Variants in CTNNA1 observed in about 807,000 individuals in gnomAD.
CTNNA1 encodes catenin alpha-1.
In CTNNA1, 37 loss-of-function variants were observed where a neutral mutation model predicts 98.4. That is an observed-to-expected ratio of 0.38 (90% CI 0.29 to 0.49). The LOEUF (loss-of-function observed/expected upper bound fraction) is 0.49, where lower values mean the gene tolerates loss of function less well. Ranked by LOEUF, CTNNA1 falls within the 20% of genes least tolerant of loss-of-function variation. The pLI, the probability that CTNNA1 is intolerant of heterozygous loss-of-function variation, is 0.95. For synonymous variants in CTNNA1, 404 were observed against 413.2 expected (o/e 0.98, Z 0.27); for missense variants, 761 against 1,147.2 (o/e 0.66, Z 4.86).
chr5:138,933,971 C>A lies in CTNNA1; in HGVS notation c.2603C>A (p.Pro868Gln). 1 of 1,614,050 alleles carries A rather than the reference C, an allele frequency of 6.2e-7. No individual in the cohort carries two copies. Among genetic ancestry groups the A allele is most frequent in the Non-Finnish European group, 8.5e-7 (1 of 1,180,008 alleles). ...SWKMKAPEKK[P>Q]LVKREKQDET... ...AAGATGAAGGCACCAGAGAAAAAGCCATTGGTGAAGAGAGAGAAACAGGAT... is the reference window on the plus strand; with the variant it reads ...AAGATGAAGGCACCAGAGAAAAAGCAATTGGTGAAGAGAGAGAAACAGGAT... The change falls in exon 18 of 18, where the codon CCA becomes CAA. Residue 868 changes from proline (P) to glutamine (Q), a missense_variant. Pro to Gln is a moderately conservative substitution (Grantham distance 76). Transcript: ENST00000302763.
chr5:138,806,516 T>C (rs1281236492), intron 3 of CTNNA1, among the ~76,000 whole-genome samples: 2 of 152,150 alleles, frequency 1.3e-5, no homozygotes, highest in Admixed American at 6.5e-5. Flanking sequence ...AATTTACTAC[T>C]ACTCTCTTCT....
intron 7 of CTNNA1, among the ~76,000 whole-genome samples, chr5:138,866,307 TTTA>T (rs1486502665): frequency 4.7e-5 from 7 of 149,094 alleles, no homozygotes; most frequent in African/African-American, 1.8e-4. Flanking sequence ...TATTTATTTA[TTTA>T]TTTATTTATT....
intron 5 of CTNNA1, among the ~76,000 whole-genome samples, chr5:138,813,314 C>T (rs562860157): frequency 6.6e-6 from 1 of 152,330 alleles, no homozygotes; most frequent in South Asian, 2.1e-4. Flanking sequence ...TTCCATATGT[C>T]TCTCTTTATA....
chr5:138,862,427 A>G (rs1764372854), intron 7 of CTNNA1, among the ~76,000 whole-genome samples: 1 of 152,232 alleles, frequency 6.6e-6, no homozygotes, highest in African/African-American at 2.4e-5. Context: ...ATAATTGTCC[A>G]AAGCTGAGAC....
At position 138,909,462 on chromosome 5, in the gene CTNNA1, A is replaced by C. The variant is rs151290121; in HGVS notation, c.1389+5021A>C. Among the ~76,000 whole-genome samples the C allele has an allele frequency of 5.6e-4, 84 of 151,274 alleles. 1 individual carries two copies. The highest frequency in any genetic ancestry group is 1.9e-3 in the African/African-American group (79 of 41,178). ...CAGCCTTGACCTCCTAGGTTTAAGC[A>C]GTCCTTGCACCTCAGCCTCTGAGTA... On this transcript the variant is annotated intron_variant, in intron 10 of 17. Coordinates refer to ENST00000302763, the MANE Select transcript of CTNNA1 (RefSeq NM_001903.5).
intron 7 of CTNNA1, among the ~76,000 whole-genome samples, chr5:138,884,810 G>A (rs561224406): frequency 6.6e-6 from 1 of 152,216 alleles, no homozygotes; most frequent in South Asian, 2.1e-4. Flanking sequence ...CCATTCAGTT[G>A]GTTGGTTGAC....
At chr5:138,766,002 T>A (rs1752900600) in intron 1 of CTNNA1, among the ~76,000 whole-genome samples, 1 of 151,022 alleles carries the variant, frequency 6.6e-6, no homozygotes, top group Admixed American at 6.6e-5. Flanking sequence ...TGCTAATCTG[T>A]CATGAGAGAT....
intron 5 of CTNNA1, among the ~76,000 whole-genome samples, chr5:138,817,543 G>A (rs902336026): frequency 6.6e-6 from 1 of 152,130 alleles, no homozygotes; most frequent in Non-Finnish European, 1.5e-5. Flanking sequence ...GAATTCCCAT[G>A]ATGGGAATAT....
chr5:138,892,594 G>A (rs995098225), intron 9 of CTNNA1, among the ~76,000 whole-genome samples: 50 of 151,672 alleles, frequency 3.3e-4, no homozygotes, highest in Admixed American at 2.4e-3. Context: ...CGCCCGCCTC[G>A]GCCTCCCAGA....
At chr5:138,824,046 C>G (rs949318644) in intron 5 of CTNNA1, among the ~76,000 whole-genome samples, 1 of 149,278 alleles carries the variant, frequency 6.7e-6, no homozygotes, top group Non-Finnish European at 1.5e-5. Flanking sequence ...GACTGTATCT[C>G]TTCATGATCT....
At chr5:138,895,846 T>G (rs958018258) in intron 9 of CTNNA1, among the ~76,000 whole-genome samples, 8 of 152,238 alleles carry the variant, frequency 5.3e-5, no homozygotes, top group African/African-American at 1.7e-4. Context: ...AGCATTTTAA[T>G]ACATGACCAA....
intron 9 of CTNNA1, among the ~76,000 whole-genome samples, chr5:138,900,221 C>T (rs567559988): frequency 9.9e-5 from 15 of 152,218 alleles, no homozygotes; most frequent in Admixed American, 9.8e-4. Flanking sequence ...GAAGAAAACT[C>T]GGGTGCTAGC....
chr5:138,833,927 C>G (rs1262659409), intron 7 of CTNNA1, among the ~76,000 whole-genome samples: 1 of 152,100 alleles, frequency 6.6e-6, no homozygotes, highest in African/African-American at 2.4e-5. Context: ...ACTGGACATA[C>G]TTTGGTTGGA....
At chr5:138,843,797 C>T (rs1762470329) in intron 7 of CTNNA1, among the ~76,000 whole-genome samples, 4 of 152,182 alleles carry the variant, frequency 2.6e-5, no homozygotes, top group Admixed American at 2.6e-4. Flanking sequence ...CTTCTAGGGG[C>T]AGTGGCCCAG....
intron 3 of CTNNA1, among the ~76,000 whole-genome samples, chr5:138,789,381 T>A (rs1756093788): frequency 6.6e-6 from 1 of 152,138 alleles, no homozygotes; most frequent in Non-Finnish European, 1.5e-5. Context: ...CTGTGCAAGA[T>A]GGGCATGAGA....
intron 1 of CTNNA1, among the ~76,000 whole-genome samples, chr5:138,775,826 C>A (rs1436134271): frequency 3.3e-5 from 5 of 149,498 alleles, no homozygotes; most frequent in Admixed American, 2.7e-4. Flanking sequence ...AGGTTCATGC[C>A]ATTCTCTTGT....
chr5:138,889,857 T>A (rs1413416211), intron 9 of CTNNA1, among the ~76,000 whole-genome samples: 1 of 152,172 alleles, frequency 6.6e-6, no homozygotes, highest in Non-Finnish European at 1.5e-5. Context: ...ATTGCATATG[T>A]CCATGAAAAG....
intron 9 of CTNNA1, among the ~76,000 whole-genome samples, chr5:138,892,536 G>C (rs1348484691): frequency 1.3e-5 from 2 of 151,262 alleles, no homozygotes; most frequent in East Asian, 2.0e-4. Context: ...TGGAGTTTCA[G>C]CATGTTGGCC....
At position 138,836,982 on chromosome 5, in the gene CTNNA1, T is replaced by G. The variant is rs143982245; in HGVS notation, c.1062+9264T>G. Among the ~76,000 whole-genome samples, 158 of 152,292 alleles carry G rather than the reference T, an allele frequency of 1.0e-3. 1 individual carries two copies. Among genetic ancestry groups the G allele is most frequent in the African/African-American group, 3.6e-3 (151 of 41,566 alleles). On this transcript the variant is annotated intron_variant, in intron 7 of 17. Transcript: ENST00000302763. ...ACCGTTAGATTTGCGTGTCTTAGAT[T>G]TTTAGGTTTTGTTTATAATCATACA...
Sources: gnomAD v4.1 joint callset for allele counts (sites outside exome capture counted in the v4.1 genomes callset) on GRCh38, gnomAD v4.1.1 for gene constraint, MANE v1.5 for transcripts, NCBI Gene and HGNC (gene_info 2026-07-23, HGNC 2026-07-21) for gene names.